Variants in SCLT1 observed in about 807,000 individuals in gnomAD.
SCLT1 encodes the protein sodium channel and clathrin linker 1.
In SCLT1, 78 loss-of-function variants were observed where a neutral mutation model predicts 112.8. The ratio of observed to expected loss-of-function variants is 0.69; its 90% CI spans 0.58 to 0.83. The LOEUF is 0.83. Among genes scored for constraint, SCLT1 ranks in the 40% least tolerant of loss-of-function variants. SCLT1 has a pLI of 0.00. For synonymous variants in SCLT1, 257 were observed against 254.7 expected, an observed-to-expected ratio of 1.01 and a Z score of -0.09; for missense variants, 747 against 770.4, an observed-to-expected ratio of 0.97 and a Z score of 0.36.
chr4:129,028,585 C>T (rs1370026505), intron 5 of SCLT1, among the ~76,000 whole-genome samples: 2 of 152,126 alleles, frequency 1.3e-5, no homozygotes, highest in Non-Finnish European at 2.9e-5. Flanking sequence ...TAGAAGAAAA[C>T]CTATGCATTA....
chr4:129,049,563 G>C (rs1748553471), intron 2 of SCLT1, among the ~76,000 whole-genome samples: 1 of 151,038 alleles, frequency 6.6e-6, no homozygotes, highest in East Asian at 2.0e-4. Context: ...ACACGAGCAT[G>C]GCACATGTAT....
At chr4:129,039,897 CGCGCACA>C (rs1278344838) in intron 4 of SCLT1, 20 of 208,988 alleles carry the variant, frequency 9.6e-5, no homozygotes, top group Admixed American at 1.7e-4. Flanking sequence ...AGTGTGCGCG[CGCGCACA>C]CACACACACA....
intron 18 of SCLT1, among the ~76,000 whole-genome samples, chr4:128,898,900 A>G (rs1243140382): frequency 1.3e-5 from 2 of 152,242 alleles, no homozygotes; most frequent in Admixed American, 6.5e-5. Flanking sequence ...AAACACCTCT[A>G]CGCAAATAAA....
rs779446072 is a variant in SCLT1, at chr4:128,884,509, C to T, written c.2035G>A (p.Ala679Thr). The T allele has an allele frequency of 1.9e-6, 3 of 1,605,100 alleles. No individual in the cohort carries two copies. Among genetic ancestry groups the T allele is most frequent in the East Asian group, 2.2e-5 (1 of 44,814 alleles). ...LSVITVQRRK[A>T]ASLMNLENI ...TTTTCCAGATTCATCAGGGAGGCTG[C>T]TTTTCTTCTCTGCACTGTAATCACA... Residue 679 changes from alanine to threonine, a missense_variant, in exon 21 of 21, where the codon GCA (alanine) becomes ACA (threonine). By Grantham distance (58) the Ala-to-Thr change is moderately conservative (BLOSUM62 0). Transcript: ENST00000281142.
At chr4:128,898,254 A>G (rs959026683) in intron 18 of SCLT1, among the ~76,000 whole-genome samples, 6 of 152,226 alleles carry the variant, frequency 3.9e-5, no homozygotes, top group Non-Finnish European at 8.8e-5. Flanking sequence ...TTATTCCAAA[A>G]TTGACCACAT....
At chr4:128,901,039 G>A (rs965918966) in intron 18 of SCLT1, among the ~76,000 whole-genome samples, 9 of 152,176 alleles carry the variant, frequency 5.9e-5, no homozygotes, top group Non-Finnish European at 7.3e-5. Context: ...TGCTGGAGAG[G>A]ATGTGGAGAA....
At chr4:128,910,440 T>C (rs897424723) in intron 18 of SCLT1, among the ~76,000 whole-genome samples, 2 of 152,244 alleles carry the variant, frequency 1.3e-5, no homozygotes, top group African/African-American at 4.8e-5. Flanking sequence ...ACTTTGTCCA[T>C]CTTTCTATTA....
intron 18 of SCLT1, among the ~76,000 whole-genome samples, chr4:128,933,253 C>T (rs952108342): frequency 1.6e-4 from 25 of 152,204 alleles, no homozygotes; most frequent in African/African-American, 5.3e-4. Flanking sequence ...AGAATAAACA[C>T]TTGATTTTTC....
At chr4:129,014,618 C>T (rs1031866270) in intron 5 of SCLT1, among the ~76,000 whole-genome samples, 3 of 152,164 alleles carry the variant, frequency 2.0e-5, no homozygotes, top group Admixed American at 6.5e-5. Context: ...ATGCTCTAAC[C>T]CTGGGGATTT....
chr4:129,086,917 ACTTTTCTGC>A (rs1294435790), intron 1 of SCLT1, among the ~76,000 whole-genome samples: 5 of 152,182 alleles, frequency 3.3e-5, no homozygotes, highest in Admixed American at 2.6e-4. Flanking sequence ...AACATGGACC[ACTTTTCTGC>A]CTGACACACA....
intron 18 of SCLT1, among the ~76,000 whole-genome samples, chr4:128,915,747 A>G (rs1735424422): frequency 6.6e-6 from 1 of 151,216 alleles, no homozygotes; most frequent in South Asian, 2.1e-4. Flanking sequence ...CATTCAACAA[A>G]TATGTTCTGG....
intron 18 of SCLT1, among the ~76,000 whole-genome samples, chr4:128,926,214 CT>C: frequency 6.6e-6 from 1 of 151,988 alleles, no homozygotes; most frequent in East Asian, 1.9e-4. Context: ...TTGTTTTTAG[CT>C]TTTTCAAGAC....
chr4:128,898,685 G>C (rs1446300504), intron 18 of SCLT1, among the ~76,000 whole-genome samples: 1 of 152,204 alleles, frequency 6.6e-6, no homozygotes, highest in East Asian at 1.9e-4. Context: ...GAGCAGAAGT[G>C]AAGGAAATAG....
chr4:128,954,118 T>C (rs1739015391), intron 13 of SCLT1, among the ~76,000 whole-genome samples: 1 of 152,066 alleles, frequency 6.6e-6, no homozygotes, highest in Admixed American at 6.5e-5. Flanking sequence ...AGAATACTGA[T>C]GCCAATAGTA....
At chr4:129,079,687 G>A (rs768888824) in intron 2 of SCLT1, among the ~76,000 whole-genome samples, 6 of 152,208 alleles carry the variant, frequency 3.9e-5, no homozygotes, top group Non-Finnish European at 8.8e-5. Flanking sequence ...TCTTTGGTCC[G>A]GAGGATGGTA....
intron 2 of SCLT1, among the ~76,000 whole-genome samples, chr4:129,062,411 A>G (rs530837283): frequency 6.6e-6 from 1 of 152,146 alleles, no homozygotes; most frequent in Non-Finnish European, 1.5e-5. Flanking sequence ...TAACCTTTGT[A>G]GAAGAGGTAA....
downstream of SCLT1, among the ~76,000 whole-genome samples, chr4:128,880,516 T>C (rs1026071559): frequency 1.3e-5 from 2 of 152,268 alleles, no homozygotes; most frequent in South Asian, 2.1e-4. Flanking sequence ...GTTATAATAA[T>C]GTAATTAAAT....
rs1357442178 is a variant in SCLT1, at chr4:129,015,529, A to C, written c.291-11653T>G. Among the ~76,000 whole-genome samples the C allele has an allele frequency of 3.3e-5, 5 of 152,090 alleles. 1 individual carries two copies. The highest frequency in any genetic ancestry group is 4.8e-5 in the African/African-American group (2 of 41,412). ...AGGATGAACAGTTCCCCTAGGGCTT[A>C]AGTCTCCTAAGAGAGCAAGTTGAGC... On this transcript the variant is annotated intron_variant, in intron 5 of 20. Transcript: ENST00000281142.
At chr4:128,899,296 T>C (rs1462197198) in intron 18 of SCLT1, among the ~76,000 whole-genome samples, 1 of 152,090 alleles carries the variant, frequency 6.6e-6, no homozygotes, top group Non-Finnish European at 1.5e-5. Context: ...GCAAACCGAA[T>C]CCAGCAGCAC....
Sources: allele counts gnomAD v4.1 joint callset (sites outside exome capture counted in the v4.1 genomes callset), GRCh38; gene constraint gnomAD v4.1.1; transcripts MANE v1.5; gene names NCBI Gene and HGNC (gene_info 2026-07-23, HGNC 2026-07-21).